ZC3H12B: variants seen among roughly 807,000 people sequenced by gnomAD.
ZC3H12B encodes the protein probable ribonuclease ZC3H12B.
ZC3H12B carries 7 observed loss-of-function variants against 43.9 expected under a neutral mutation model. The observed-to-expected ratio is 0.16, with a 90% confidence interval of 0.09 to 0.30. The LOEUF (loss-of-function observed/expected upper bound fraction) is 0.30. Among genes scored for constraint, ZC3H12B ranks in the 10% least tolerant of loss-of-function variants. ZC3H12B has a pLI of 1.00. For missense variants in ZC3H12B, 475 were observed against 670.2 expected, an observed-to-expected ratio of 0.71 and a Z score of 3.22; for synonymous variants, 222 against 241.7, an observed-to-expected ratio of 0.92 and a Z score of 0.76.
the ZC3H12B span, among the ~76,000 whole-genome samples, chrX:65,328,817 C>T: frequency 6.7e-5 from 7 of 104,358 alleles, no homozygotes; most frequent in Admixed American, 1.1e-4. Flanking sequence ...TTTGTCCTTG[C>T]GATAGTTTGC....
At chrX:65,409,495 G>T (rs908563071) in intron 3 of ZC3H12B, among the ~76,000 whole-genome samples, 1 of 107,957 alleles carries the variant, frequency 9.3e-6, no homozygotes, top group Non-Finnish European at 1.9e-5. Context: ...TGGAATGAAA[G>T]AAGTAGTATT....
At chrX:65,194,594 T>C in the ZC3H12B span, among the ~76,000 whole-genome samples, 3 of 111,901 alleles carry the variant, frequency 2.7e-5, no homozygotes, top group Non-Finnish European at 5.6e-5. Flanking sequence ...TGACCTAATA[T>C]ATGGTCTATC....
chrX:65,161,933 C>T, the ZC3H12B span, among the ~76,000 whole-genome samples: 8 of 111,761 alleles, frequency 7.2e-5, no homozygotes, highest in Non-Finnish European at 1.5e-4. Context: ...TTTAGTGCTT[C>T]CTTCAGGAGT....
chrX:65,374,041 TAC>T (rs1314201608), intron 2 of ZC3H12B, among the ~76,000 whole-genome samples: 1 of 59,086 alleles, frequency 1.7e-5, no homozygotes, highest in Non-Finnish European at 2.8e-5. Flanking sequence ...TAACTATATA[TAC>T]AGTATATATA....
chrX:65,151,483 A>G, the ZC3H12B span, among the ~76,000 whole-genome samples: 1 of 112,141 alleles, frequency 8.9e-6, no homozygotes, highest in African/African-American at 3.2e-5. Context: ...ATAGCAAGAA[A>G]TAAGTTTGTT....
the ZC3H12B span, among the ~76,000 whole-genome samples, chrX:65,270,089 G>C: frequency 1.9e-5 from 2 of 106,498 alleles, no homozygotes; most frequent in Non-Finnish European, 3.8e-5. Context: ...TTCTGAGAAA[G>C]AAAATCTAAG....
intron 2 of ZC3H12B, among the ~76,000 whole-genome samples, chrX:65,397,257 T>A (rs2148043047): frequency 8.9e-6 from 1 of 111,795 alleles, no homozygotes; most frequent in African/African-American, 3.2e-5. Context: ...TAGCTGATTA[T>A]TTTGCACATT....
At chrX:65,378,692 G>A (rs914098987) in intron 2 of ZC3H12B, among the ~76,000 whole-genome samples, 3 of 112,316 alleles carry the variant, frequency 2.7e-5, no homozygotes. Flanking sequence ...TCCATCTGAG[G>A]TACCAGGTTC....
chrX:65,174,316 T>C, the ZC3H12B span, among the ~76,000 whole-genome samples: 6 of 112,499 alleles, frequency 5.3e-5, no homozygotes, highest in African/African-American at 1.9e-4. Context: ...AGTGACGTTG[T>C]GTAAAAATGG....
At chrX:65,323,677 A>G in the ZC3H12B span, among the ~76,000 whole-genome samples, 26 of 112,139 alleles carry the variant, frequency 2.3e-4, no homozygotes, top group African/African-American at 8.4e-4. Flanking sequence ...TCTTTATAGT[A>G]GAATGATTTA....
At chrX:65,073,741 C>T in the ZC3H12B span, among the ~76,000 whole-genome samples, 5 of 112,031 alleles carry the variant, frequency 4.5e-5, no homozygotes, top group Admixed American at 3.8e-4. Flanking sequence ...AGAGGGGTCT[C>T]ATCCTACCAG....
the ZC3H12B span, among the ~76,000 whole-genome samples, chrX:65,260,679 G>T: frequency 8.9e-6 from 1 of 111,886 alleles, no homozygotes; most frequent in Non-Finnish European, 1.9e-5. Flanking sequence ...ATAGATAACT[G>T]TGGGGAGATT....
At chrX:65,280,609 C>A in the ZC3H12B span, among the ~76,000 whole-genome samples, 5 of 111,831 alleles carry the variant, frequency 4.5e-5, no homozygotes, top group Admixed American at 2.8e-4. Flanking sequence ...TGTTTGCAGA[C>A]AACATGGTCA....
chrX:65,396,151 T>A, intron 2 of ZC3H12B, among the ~76,000 whole-genome samples: 2 of 111,779 alleles, frequency 1.8e-5, no homozygotes, highest in East Asian at 5.6e-4. Context: ...ATTCATGGAT[T>A]TTTGAAGGGT....
At chrX:65,227,227 C>G in the ZC3H12B span, among the ~76,000 whole-genome samples, 1 of 111,528 alleles carries the variant, frequency 9.0e-6, no homozygotes, top group Non-Finnish European at 1.9e-5. Flanking sequence ...GATTAAGAAA[C>G]TCACTCAAAA....
chrX:65,301,592 C>T, the ZC3H12B span, among the ~76,000 whole-genome samples: 1 of 110,419 alleles, frequency 9.1e-6, no homozygotes, highest in Non-Finnish European at 1.9e-5. Flanking sequence ...TATTCTAAGT[C>T]AAGTAACTCA....
the ZC3H12B span, among the ~76,000 whole-genome samples, chrX:65,112,539 G>T: frequency 9.0e-6 from 1 of 111,684 alleles, no homozygotes; most frequent in South Asian, 3.7e-4. Flanking sequence ...TAATGCAGAT[G>T]GTGACTTTAA....
At chrX:65,348,448 C>T in the ZC3H12B span, among the ~76,000 whole-genome samples, 1 of 111,123 alleles carries the variant, frequency 9.0e-6, no homozygotes, top group Non-Finnish European at 1.9e-5. Context: ...GAAGAAACTG[C>T]ATCAACTAAT....
At chrX:65,351,168 C>G in the ZC3H12B span, among the ~76,000 whole-genome samples, 3 of 111,498 alleles carry the variant, frequency 2.7e-5, no homozygotes, top group Non-Finnish European at 5.7e-5. Flanking sequence ...AATAACACCA[C>G]ACATCTACAA....
Sources: gnomAD v4.1 joint callset for allele counts (sites outside exome capture counted in the v4.1 genomes callset) on GRCh38, gnomAD v4.1.1 for gene constraint, MANE v1.5 for transcripts, NCBI Gene and HGNC (gene_info 2026-07-23, HGNC 2026-07-21) for gene names.